SPATA16: variants seen among roughly 807,000 people sequenced by gnomAD.
SPATA16 encodes the protein spermatogenesis-associated protein 16.
A neutral mutation model predicts 63.3 loss-of-function variants in SPATA16; 36 were observed. That is an observed-to-expected ratio of 0.57 (90% confidence interval 0.44 to 0.75). The LOEUF (loss-of-function observed/expected upper bound fraction) is 0.75, where lower values mean the gene tolerates loss of function less well. SPATA16 is among the 30% of genes least tolerant of loss of function. SPATA16 has a pLI of 0.00. For synonymous variants in SPATA16, 203 were observed against 216.7 expected, an observed-to-expected ratio of 0.94 and a Z score of 0.56; for missense variants, 646 against 679.3, an observed-to-expected ratio of 0.95 and a Z score of 0.54.
chr3:173,047,755 A>T (rs812626), intron 3 of SPATA16, among the ~76,000 whole-genome samples: 18,558 of 151,842 alleles, frequency 0.12, 1,329 homozygotes, highest in Non-Finnish European at 0.15. Context: ...ATTTTTTTTT[A>T]AAACTATGGT....
intron 2 of SPATA16, among the ~76,000 whole-genome samples, chr3:173,083,569 T>C (rs1417618425): frequency 1.3e-5 from 2 of 152,160 alleles, no homozygotes; most frequent in East Asian, 1.9e-4. Flanking sequence ...CCCTGGTGGT[T>C]TGCTGCACAG....
At chr3:172,996,993 T>C (rs1051611671) in intron 4 of SPATA16, among the ~76,000 whole-genome samples, 3 of 152,136 alleles carry the variant, frequency 2.0e-5, no homozygotes, top group African/African-American at 4.8e-5. Flanking sequence ...CAAACAGTAT[T>C]CTATTGTCTA....
At chr3:172,935,667 TATTAA>T (rs1307806081) in intron 6 of SPATA16, among the ~76,000 whole-genome samples, 7 of 152,198 alleles carry the variant, frequency 4.6e-5, no homozygotes, top group Non-Finnish European at 8.8e-5. Flanking sequence ...CATGGTACAT[TATTAA>T]ATTAAGGTGA....
intron 8 of SPATA16, among the ~76,000 whole-genome samples, chr3:172,921,436 G>T (rs1732613242): frequency 6.6e-6 from 1 of 152,142 alleles, no homozygotes; most frequent in African/African-American, 2.4e-5. Context: ...ACACGAGCAT[G>T]GTCACAGCCT....
At chr3:173,039,805 A>G (rs1314514336) in intron 3 of SPATA16, among the ~76,000 whole-genome samples, 2 of 152,136 alleles carry the variant, frequency 1.3e-5, no homozygotes, top group African/African-American at 4.8e-5. Context: ...GAGGCAATAC[A>G]GGAGTGCTGT....
intron 2 of SPATA16, among the ~76,000 whole-genome samples, chr3:173,101,176 G>T (rs1456068403): frequency 1.3e-5 from 2 of 152,128 alleles, no homozygotes; most frequent in Non-Finnish European, 2.9e-5. Context: ...ATTACATATT[G>T]ACCTCACCTG....
rs530281160 is a variant in SPATA16, at chr3:172,986,534, AG to A, written c.849-9483del. ...CCTAGGTCAGCTTAAAATGATGAGT[AG>A]GAGTTAGCCAAGCAAAGGGAGCATA... On this transcript the variant is annotated intron_variant, in intron 4 of 10. Coordinates refer to ENST00000351008, the MANE Select transcript of SPATA16 (RefSeq NM_031955.6). Among the ~76,000 whole-genome samples, 11 of 152,296 alleles carry A rather than the reference AG, an allele frequency of 7.2e-5. No homozygotes were observed. The South Asian group carries it at 2.1e-3, about 29-fold the overall frequency.
At chr3:172,990,613 T>A (rs1734553982) in intron 4 of SPATA16, among the ~76,000 whole-genome samples, 1 of 152,142 alleles carries the variant, frequency 6.6e-6, no homozygotes. Context: ...GCTATTGACC[T>A]CTTGCTTCAT....
At chr3:172,911,599 C>T (rs74501166) in intron 10 of SPATA16, among the ~76,000 whole-genome samples, 3,734 of 152,318 alleles carry the variant, frequency 0.025, 50 homozygotes, top group Middle Eastern at 0.058. Flanking sequence ...TTTCTCCCAA[C>T]TGAATTCTAA....
chr3:172,890,786 A>G (rs1337782325), intron 10 of SPATA16, among the ~76,000 whole-genome samples: 1 of 151,582 alleles, frequency 6.6e-6, no homozygotes, highest in African/African-American at 2.4e-5. Flanking sequence ...AATTATTTAT[A>G]TGAAAACTAT....
At chr3:173,067,144 G>T (rs1288463709) in intron 2 of SPATA16, among the ~76,000 whole-genome samples, 1 of 151,882 alleles carries the variant, frequency 6.6e-6, no homozygotes, top group Non-Finnish European at 1.5e-5. Context: ...GAATAAAAAT[G>T]AATGAAGCGG....
At chr3:172,986,654 A>G (rs1734465962) in intron 4 of SPATA16, among the ~76,000 whole-genome samples, 2 of 152,138 alleles carry the variant, frequency 1.3e-5, no homozygotes, top group Non-Finnish European at 2.9e-5. Context: ...CAAAAGTACT[A>G]TCTTGCTGCA....
chr3:172,994,274 A>C (rs1161658091), intron 4 of SPATA16, among the ~76,000 whole-genome samples: 1 of 152,112 alleles, frequency 6.6e-6, no homozygotes, highest in African/African-American at 2.4e-5. Flanking sequence ...TGCTATTTTA[A>C]GTTCAATTAG....
chr3:172,924,180 G>T, intron 8 of SPATA16, 28 bp downstream of exon 8: 1 of 1,489,584 alleles, frequency 6.7e-7, no homozygotes, highest in Non-Finnish European at 9.4e-7. Context: ...TTGTACATTG[G>T]ACAAATATAA....
chr3:173,029,356 G>C (rs534357050), intron 3 of SPATA16, among the ~76,000 whole-genome samples: 4 of 151,732 alleles, frequency 2.6e-5, no homozygotes, highest in African/African-American at 9.7e-5. Context: ...GAGCCTCCAG[G>C]GTCAGAGACA....
chr3:172,952,751 C>A (rs1440844508), intron 6 of SPATA16, among the ~76,000 whole-genome samples: 1 of 151,970 alleles, frequency 6.6e-6, no homozygotes, highest in Non-Finnish European at 1.5e-5. Flanking sequence ...ACCATCCTGG[C>A]CAACATGGTG....
chr3:173,068,334 G>C (rs560472732), intron 2 of SPATA16, among the ~76,000 whole-genome samples: 75 of 152,228 alleles, frequency 4.9e-4, no homozygotes, highest in Non-Finnish European at 9.4e-4. Context: ...ACAATAAAAA[G>C]TCAAAAAGTG....
intron 10 of SPATA16, among the ~76,000 whole-genome samples, chr3:172,894,284 ATAAACT>A (rs1731958364): frequency 6.6e-6 from 1 of 152,190 alleles, no homozygotes; most frequent in Non-Finnish European, 1.5e-5. Flanking sequence ...AATTTCTAAA[ATAAACT>A]TAAGTTTCTG....
intron 2 of SPATA16, among the ~76,000 whole-genome samples, chr3:173,083,674 G>T (rs1313136100): frequency 1.3e-5 from 2 of 151,994 alleles, no homozygotes; most frequent in Non-Finnish European, 2.9e-5. Context: ...AGTGTGTGTT[G>T]TTCCCTTCCC....
Sources: gnomAD v4.1 joint callset for allele counts (sites outside exome capture counted in the v4.1 genomes callset) on GRCh38, gnomAD v4.1.1 for gene constraint, MANE v1.5 for transcripts, NCBI Gene and HGNC (gene_info 2026-07-23, HGNC 2026-07-21) for gene names.